The following GALNT17 variants were observed in gnomAD, a reference collection of about 807,000 sequenced individuals.
The protein encoded by GALNT17 is polypeptide N-acetylgalactosaminyltransferase 17.
Under a neutral mutation model 63.7 loss-of-function variants are expected in GALNT17, and 29 were observed. The observed-to-expected ratio is 0.46, with a 90% CI of 0.34 to 0.62. The LOEUF (loss-of-function observed/expected upper bound fraction) is 0.62. Among genes scored for constraint, GALNT17 ranks in the 20% least tolerant of loss-of-function variants. The pLI is 0.01. For synonymous variants in GALNT17, 305 were observed against 318.3 expected, an observed-to-expected ratio of 0.96 and a Z score of 0.45; for missense variants, 603 against 799.6, an observed-to-expected ratio of 0.75 and a Z score of 2.97.
intron 5 of GALNT17, among the ~76,000 whole-genome samples, chr7:71,455,508 T>G (rs1042129329): frequency 1.2e-3 from 47 of 38,232 alleles, no homozygotes; most frequent in Non-Finnish European, 5.3e-3. Context: ...TTGTTTTTGT[T>G]TTTTTTTTTG....
intron 1 of GALNT17, among the ~76,000 whole-genome samples, chr7:71,203,883 G>A (rs548896103): frequency 6.6e-6 from 1 of 152,144 alleles, no homozygotes; most frequent in Non-Finnish European, 1.5e-5. Flanking sequence ...TCTTCACTCT[G>A]TTGATTGTTT....
chr7:71,532,062 C>T (rs1178537345), intron 5 of GALNT17, among the ~76,000 whole-genome samples: 4 of 152,146 alleles, frequency 2.6e-5, no homozygotes, highest in Non-Finnish European at 4.4e-5. Context: ...GTGCCAGGAA[C>T]TTCATGAGTT....
At chr7:71,194,706 ATCT>A (rs1216443125) in intron 1 of GALNT17, among the ~76,000 whole-genome samples, 17 of 152,126 alleles carry the variant, frequency 1.1e-4, no homozygotes, top group African/African-American at 4.1e-4. Context: ...CTTGGATATG[ATCT>A]TCTTTCTCCC....
chr7:71,333,236 C>G (rs2116075125), intron 1 of GALNT17, among the ~76,000 whole-genome samples: 1 of 152,092 alleles, frequency 6.6e-6, no homozygotes, highest in East Asian at 1.9e-4. Context: ...GTACATTTCA[C>G]ATAAATAGAA....
At chr7:71,399,443 C>T (rs900002830) in intron 3 of GALNT17, among the ~76,000 whole-genome samples, 1 of 152,162 alleles carries the variant, frequency 6.6e-6, no homozygotes, top group Non-Finnish European at 1.5e-5. Flanking sequence ...AGCTTGGGAT[C>T]ATCTGTCACA....
At chr7:71,199,672 CCCATCCAT>C (rs59064900) in intron 1 of GALNT17, among the ~76,000 whole-genome samples, 18,622 of 123,714 alleles carry the variant, frequency 0.15, 1,668 homozygotes, top group African/African-American at 0.31. Flanking sequence ...CATCCTTCCA[CCCATCCAT>C]CCATCCATCC....
chr7:71,553,273 G>A (rs939324397), intron 5 of GALNT17, among the ~76,000 whole-genome samples: 1 of 151,992 alleles, frequency 6.6e-6, no homozygotes. Flanking sequence ...ACTACAGTAG[G>A]CTATGTTCGC....
chr7:71,293,904 A>G (rs930321448), intron 1 of GALNT17, among the ~76,000 whole-genome samples: 5 of 152,188 alleles, frequency 3.3e-5, no homozygotes, highest in Non-Finnish European at 4.4e-5. Flanking sequence ...TCACGCCTGT[A>G]ATCCCAGCAC....
intron 5 of GALNT17, among the ~76,000 whole-genome samples, chr7:71,466,029 G>A (rs1407352785): frequency 6.6e-6 from 1 of 152,150 alleles, no homozygotes; most frequent in African/African-American, 2.4e-5. Context: ...AGAAAGGGAA[G>A]GCCTGGCTGC....
chr7:71,523,333 G>T (rs1348867088), intron 5 of GALNT17, among the ~76,000 whole-genome samples: 1 of 152,170 alleles, frequency 6.6e-6, no homozygotes, highest in Non-Finnish European at 1.5e-5. Flanking sequence ...GGAAGCTGAG[G>T]TGGGAGAATT....
At chr7:71,660,408 C>T (rs951043719) in intron 6 of GALNT17, among the ~76,000 whole-genome samples, 4 of 152,226 alleles carry the variant, frequency 2.6e-5, no homozygotes, top group African/African-American at 7.2e-5. Flanking sequence ...GGGCACTTCC[C>T]TCTGCTCTTG....
chr7:71,171,616 G>C (rs1484668507), intron 1 of GALNT17, among the ~76,000 whole-genome samples: 1 of 152,184 alleles, frequency 6.6e-6, no homozygotes, highest in African/African-American at 2.4e-5. Context: ...ATATTCTGAA[G>C]TTTCTGTGCT....
chr7:71,223,692 T>C (rs1341858672), intron 1 of GALNT17, among the ~76,000 whole-genome samples: 2 of 152,126 alleles, frequency 1.3e-5, no homozygotes, highest in Middle Eastern at 3.2e-3. Context: ...CCTTGTCTGC[T>C]CCTCTCCTTC....
chr7:71,707,137 A>G (rs1562744331), intron 9 of GALNT17, among the ~76,000 whole-genome samples: 1 of 149,538 alleles, frequency 6.7e-6, no homozygotes, highest in Non-Finnish European at 1.5e-5. Flanking sequence ...TCTCTTTACA[A>G]TGGTTAGAAA....
chr7:71,138,493 C>T (rs764846486), intron 1 of GALNT17, among the ~76,000 whole-genome samples: 20 of 152,240 alleles, frequency 1.3e-4, no homozygotes, highest in Non-Finnish European at 1.8e-4. Context: ...AATCTATGTA[C>T]AGGTGGACCC....
chr7:71,707,787 C>A (rs1432398525), intron 9 of GALNT17, among the ~76,000 whole-genome samples: 1 of 152,186 alleles, frequency 6.6e-6, no homozygotes, highest in Non-Finnish European at 1.5e-5. Context: ...TTCCAAGAGA[C>A]TGAAAGGATT....
At chr7:71,302,800 C>T (rs1481141350) in intron 1 of GALNT17, among the ~76,000 whole-genome samples, 1 of 152,144 alleles carries the variant, frequency 6.6e-6, no homozygotes, top group Non-Finnish European at 1.5e-5. Context: ...TTAGGAACGG[C>T]AATTTTTATG....
chr7:71,496,084 G>A (rs1223166905), intron 5 of GALNT17, among the ~76,000 whole-genome samples: 1 of 152,212 alleles, frequency 6.6e-6, no homozygotes, highest in Non-Finnish European at 1.5e-5. Context: ...GAACCCATGT[G>A]CTCTTTTCGT....
At chr7:71,133,112 TGC>T in intron 1 of GALNT17, 72 bp downstream of exon 1, 1 of 1,300,132 alleles carries the variant, frequency 7.7e-7, no homozygotes, top group Non-Finnish European at 1.0e-6. Flanking sequence ...CCAGGGTCCT[TGC>T]GCGCTGCGCC....
Sources: gnomAD v4.1 joint callset for allele counts (sites outside exome capture counted in the v4.1 genomes callset) on GRCh38, gnomAD v4.1.1 for gene constraint, MANE v1.5 for transcripts, NCBI Gene and HGNC (gene_info 2026-07-23, HGNC 2026-07-21) for gene names.